MYOF: variants seen among roughly 807,000 people sequenced by gnomAD.
The protein encoded by MYOF is myoferlin.
In MYOF, 244 loss-of-function variants were observed where a neutral mutation model predicts 284.2. The ratio of observed to expected loss-of-function variants is 0.86; its 90% CI spans 0.77 to 0.95. The LOEUF is 0.95. Ranked by LOEUF, MYOF falls within the 40% of genes least tolerant of loss-of-function variation. MYOF has a pLI of 0.00. For missense variants in MYOF, 2,496 were observed against 2,560.6 expected (o/e 0.97, Z 0.54); for synonymous variants, 904 against 919.7 (o/e 0.98, Z 0.31).
intron 4 of MYOF, among the ~76,000 whole-genome samples, chr10:93,428,373 GT>G (rs34417274): frequency 0.97 from 140,807 of 145,538 alleles, 68,225 homozygotes; most frequent in Non-Finnish European, 1. Flanking sequence ...GCTAATTTTT[GT>G]TTTTTTTTTT....
At chr10:93,481,542 A>G (rs1483624669) in intron 1 of MYOF, among the ~76,000 whole-genome samples, 3 of 152,258 alleles carry the variant, frequency 2.0e-5, no homozygotes, top group Non-Finnish European at 4.4e-5. Context: ...TGAGCAATTT[A>G]AAAGCTACAG....
intron 26 of MYOF, among the ~76,000 whole-genome samples, chr10:93,365,467 T>A (rs1305296102): frequency 6.6e-6 from 1 of 152,230 alleles, no homozygotes; most frequent in South Asian, 2.1e-4. Context: ...TATATGAAAT[T>A]CATCCACTTA....
At chr10:93,359,730 C>T in intron 29 of MYOF, 103 bp downstream of exon 29, 1 of 1,495,298 alleles carries the variant, frequency 6.7e-7, no homozygotes, top group Non-Finnish European at 9.1e-7. Context: ...GTGTTAGGCT[C>T]TGGATTTGCA....
At chr10:93,423,812 G>A (rs1174717456) in intron 5 of MYOF, among the ~76,000 whole-genome samples, 17 of 150,082 alleles carry the variant, frequency 1.1e-4, no homozygotes, top group Admixed American at 7.3e-4. Context: ...CAGCCTGGGC[G>A]ACAGAGCCAG....
chr10:93,418,504 C>T (rs1182443351), intron 5 of MYOF, among the ~76,000 whole-genome samples: 2 of 152,106 alleles, frequency 1.3e-5, no homozygotes, highest in African/African-American at 4.8e-5. Context: ...GCAAAGGTAC[C>T]ATGGAGGAAC....
intron 6 of MYOF, among the ~76,000 whole-genome samples, chr10:93,409,266 C>T (rs1847782529): frequency 6.6e-6 from 1 of 152,208 alleles, no homozygotes; most frequent in Non-Finnish European, 1.5e-5. Flanking sequence ...AAATCTAAGA[C>T]AGGGCCCAGA....
rs1047229841 is a variant in MYOF at position 93,388,964 on chromosome 10, C to T, written c.1581+66G>A. On this transcript the variant is annotated intron_variant, in intron 18 of 53. Transcript: ENST00000359263. ...TTCTATCCTGCAATACTTGATCAGA[C>T]ATTATAAGAAGAAATAATCACCTTA... 3.3e-5 allele frequency: 51 copies of T among 1,558,664 alleles called. No individual in the cohort carries two copies. The Admixed American group carries it at 6.7e-4, about 20-fold the overall frequency.
At chr10:93,336,838 CAGGAAGAAAAGA>C (rs1843628738) in intron 40 of MYOF, among the ~76,000 whole-genome samples, 1 of 135,060 alleles carries the variant, frequency 7.4e-6, no homozygotes, top group Non-Finnish European at 1.5e-5. Context: ...GGAGGGAAGG[CAGGAAGAAAAGA>C]AGGAAGGAAG....
intron 26 of MYOF, 56 bp from the exon 27 acceptor site, chr10:93,364,131 G>T: frequency 1.4e-6 from 2 of 1,472,176 alleles, no homozygotes; most frequent in Non-Finnish European, 1.9e-6. Context: ...CGGCAGCCTC[G>T]GCGATTGCCA....
rs536682359 is a variant in MYOF, at chr10:93,310,266, T to A, written c.6000-99A>T. The A allele has an allele frequency of 9.2e-5, 134 of 1,452,076 alleles. No individual in the cohort carries two copies. The African/African-American group carries it at 1.7e-3, about 19-fold the overall frequency. 89.9% of individuals were successfully genotyped at this position (1,452,076 alleles called of 1,614,324 possible). On this transcript the variant is annotated intron_variant, in intron 52 of 53. Coordinates refer to ENST00000359263, the MANE Select transcript of MYOF (RefSeq NM_013451.4). ...TTTCAGGAATAAAGAATCACATTAA[T>A]AAGGTCAAGAAAAAATACTGTTCCC...
In MYOF at chr10:93,347,498, G is replaced by A. The variant is rs1470774262; in HGVS notation, c.4249+119C>T. ...ACCCGGGAAGCGGAGCTTGCAGTGA[G>A]CCGAGATTGCGCCACTGCAGTCCGC... is the stretch of plus-strand genomic sequence containing the variant. On this transcript the variant is annotated intron_variant, in intron 37 of 53. Transcript: ENST00000359263. The A allele has an allele frequency of 1.4e-5, 13 of 941,960 alleles. 1 individual carries two copies. The highest frequency in any genetic ancestry group is 1.7e-5 in the Non-Finnish European group (12 of 710,072). The allele number at this position is 941,960 out of a possible 1,614,324, so 58.4% of individuals were successfully genotyped here. A position where few individuals can be genotyped will look rare whatever the true frequency, so the allele number is the denominator to read the frequency against.
intron 53 of MYOF, among the ~76,000 whole-genome samples, chr10:93,308,517 G>A (rs1167058982): frequency 4.8e-5 from 7 of 147,276 alleles, no homozygotes; most frequent in East Asian, 4.1e-4. Flanking sequence ...CCTGGGAGGC[G>A]GAGGTTGCAG....
rs1442801207 is a variant in MYOF at position 93,426,174 on chromosome 10, T to A, written c.346-16A>T. 6 of 1,552,352 alleles carry A rather than the reference T, an allele frequency of 3.9e-6. No homozygotes were observed. Among genetic ancestry groups the A allele is most frequent in the Non-Finnish European group, 4.4e-6 (5 of 1,147,328 alleles). The stretch of plus-strand genomic sequence containing the variant: ...CAATGGTGGCCTGGGTAGAAATAAT[T>A]CGTTGCAAATATTATCAGTGCAGGG... On this transcript the variant is annotated splice_polypyrimidine_tract_variant and intron_variant, in intron 4 of 53. Coordinates refer to ENST00000359263, the MANE Select transcript of MYOF (RefSeq NM_013451.4).
chr10:93,351,388 C>T, intron 34 of MYOF, 25 bp downstream of exon 34: 3 of 1,612,430 alleles, frequency 1.9e-6, no homozygotes, highest in South Asian at 1.1e-5. Flanking sequence ...TGACAGAATA[C>T]ATGAGGAAGA....
intron 49 of MYOF, among the ~76,000 whole-genome samples, chr10:93,317,203 A>G (rs1425297495): frequency 6.9e-6 from 1 of 145,550 alleles, no homozygotes; most frequent in Non-Finnish European, 1.5e-5. Context: ...TCTGCTCAGC[A>G]ACTTTCTACC....
At chr10:93,381,068 C>T (rs1846086633) in intron 20 of MYOF, 151 bp downstream of exon 20, 1 of 896,120 alleles carries the variant, frequency 1.1e-6, no homozygotes, top group East Asian at 2.7e-5. Flanking sequence ...TGCCTGAACC[C>T]CAACCACACT....
chr10:93,361,345 G>T (rs1368096997), intron 28 of MYOF, 107 bp downstream of exon 28: 4 of 1,097,474 alleles, frequency 3.6e-6, no homozygotes, highest in Non-Finnish European at 5.4e-6. Context: ...GGGGACTCCT[G>T]CCATAGACCA....
chr10:93,468,973 G>C (rs2057074608), intron 1 of MYOF, among the ~76,000 whole-genome samples: 1 of 152,228 alleles, frequency 6.6e-6, no homozygotes. Flanking sequence ...CCAGCTTCTA[G>C]TCCTTCCCTG....
In MYOF at chr10:93,343,850, G is replaced by C; in HGVS notation, c.4326+6C>G. Reference sequence around the variant, plus strand: ...ACAGCATCCACTGATCAGCTCTGAAGCCTACCTTAGAAGCCAGTAATGGTT... The same window carrying C: ...ACAGCATCCACTGATCAGCTCTGAACCCTACCTTAGAAGCCAGTAATGGTT... On this transcript the variant is annotated splice_donor_region_variant and intron_variant, in intron 38 of 53. Coordinates refer to ENST00000359263, the MANE Select transcript of MYOF (RefSeq NM_013451.4). 1 of 1,614,126 alleles carries C rather than the reference G, an allele frequency of 6.2e-7. No individual in the cohort carries two copies. The highest frequency in any genetic ancestry group is 8.5e-7 in the Non-Finnish European group (1 of 1,179,938).
Sources: gnomAD v4.1 joint callset for allele counts (sites outside exome capture counted in the v4.1 genomes callset) on GRCh38, gnomAD v4.1.1 for gene constraint, MANE v1.5 for transcripts, NCBI Gene and HGNC (gene_info 2026-07-23, HGNC 2026-07-21) for gene names.